GCNT1: variants seen among roughly 807,000 people sequenced by gnomAD.
GCNT1 encodes beta-1,3-galactosyl-O-glycosyl-glycoprotein beta-1,6-N-acetylglucosaminyltransferase.
GCNT1 carries 16 observed loss-of-function variants against 26.2 expected under a neutral mutation model. That is an observed-to-expected ratio of 0.61 (90% CI 0.41 to 0.93). GCNT1 has a LOEUF of 0.93. GCNT1 is among the 40% of genes least tolerant of loss of function. The pLI is 0.00. For synonymous variants in GCNT1, 183 were observed against 190.8 expected (o/e 0.96, Z 0.34); for missense variants, 477 against 526.7 (o/e 0.91, Z 0.92).
chr9:76,422,152 C>T (rs983777618), intron 1 of GCNT1, among the ~76,000 whole-genome samples: 1 of 152,068 alleles, frequency 6.6e-6, no homozygotes, highest in Non-Finnish European at 1.5e-5. Flanking sequence ...GGAGAAACCA[C>T]CCCCATGATT....
In GCNT1 at chr9:76,500,961, G is replaced by A. The variant is rs918912138; in HGVS notation, c.-244G>A. 2.6e-5 allele frequency: 4 copies of A among 152,090 alleles called. No homozygotes were observed. Among genetic ancestry groups the A allele is most frequent in the East Asian group, 1.9e-4 (1 of 5,194 alleles). 9.4% of individuals were successfully genotyped at this position (152,090 alleles called of 1,614,324 possible). A position where few individuals can be genotyped will look rare whatever the true frequency, so the allele number is the denominator to read the frequency against. ...AGCACATCATTATCGCTGGATGCCCGGACATGTAATACACCTGACAGCATG... is the reference window on the plus strand; with the variant it reads ...AGCACATCATTATCGCTGGATGCCCAGACATGTAATACACCTGACAGCATG... On this transcript the variant is annotated 5_prime_UTR_variant, in exon 3 of 4. Transcript: ENST00000376730.
intron 2 of GCNT1, among the ~76,000 whole-genome samples, chr9:76,496,939 G>T (rs1366657025): frequency 4.6e-5 from 7 of 152,168 alleles, no homozygotes; most frequent in Admixed American, 4.6e-4. Context: ...CCTTCTTCAG[G>T]ACATGCCCCA....
the GCNT1 span, among the ~76,000 whole-genome samples, chr9:76,396,300 T>C: frequency 2.0e-5 from 3 of 152,114 alleles, no homozygotes; most frequent in Non-Finnish European, 4.4e-5. Flanking sequence ...CCTAAACGTA[T>C]AAAAATGGGC....
intron 1 of GCNT1, among the ~76,000 whole-genome samples, chr9:76,445,043 G>A (rs1823553022): frequency 6.6e-6 from 1 of 152,196 alleles, no homozygotes; most frequent in South Asian, 2.1e-4. Flanking sequence ...TCCAGAAAAG[G>A]AAAGCTCTGC....
chr9:76,461,476 C>T lies in GCNT1; in HGVS notation c.-290+1299C>T, dbSNP rs181233926. Among the ~76,000 whole-genome samples the T allele has an allele frequency of 4.7e-4, 71 of 151,582 alleles. 1 individual carries two copies. The East Asian group carries it at 0.012, about 26-fold the overall frequency. On this transcript the variant is annotated intron_variant, in intron 2 of 3. Transcript: ENST00000376730. ...CTAGGCGCCTGTAATCCCAGCTACT[C>T]GGGAGGCTGAGACGGAGAATTGCTT...
At chr9:76,480,443 G>T (rs1018146180) in intron 2 of GCNT1, among the ~76,000 whole-genome samples, 1 of 152,092 alleles carries the variant, frequency 6.6e-6, no homozygotes, top group Non-Finnish European at 1.5e-5. Context: ...AAATTACCTT[G>T]GGCAGTATGG....
chr9:76,498,773 C>CAAAAAAAAAAAAAAAAAAA (rs1169273731), intron 2 of GCNT1, among the ~76,000 whole-genome samples: 1 of 39,402 alleles, frequency 2.5e-5, no homozygotes, highest in African/African-American at 6.1e-5. Context: ...AATTCCAGCT[C>CAAAAAAAAAAAAAAAAAAA]AAAAAAAAAA....
the GCNT1 span, among the ~76,000 whole-genome samples, chr9:76,410,702 G>A: frequency 6.6e-6 from 1 of 152,230 alleles, no homozygotes; most frequent in African/African-American, 2.4e-5. Context: ...AGAAGAATGT[G>A]TATTCTGCTG....
intron 2 of GCNT1, among the ~76,000 whole-genome samples, chr9:76,467,199 C>T (rs1235633040): frequency 3.3e-5 from 5 of 152,186 alleles, no homozygotes; most frequent in African/African-American, 4.8e-5. Context: ...CCCGCCACCG[C>T]GCCCAGCTAA....
At chr9:76,404,822 CT>C in the GCNT1 span, among the ~76,000 whole-genome samples, 435 of 144,028 alleles carry the variant, frequency 3.0e-3, no homozygotes, top group Middle Eastern at 3.5e-3. Flanking sequence ...TTTAAGTCAT[CT>C]TTTTTTTTTT....
At chr9:76,493,376 C>A (rs1824804004) in intron 2 of GCNT1, among the ~76,000 whole-genome samples, 1 of 152,128 alleles carries the variant, frequency 6.6e-6, no homozygotes, top group Admixed American at 6.5e-5. Context: ...CATTTAATGG[C>A]CCAGAGTTTG....
At chr9:76,452,347 A>T (rs1462266384) in intron 1 of GCNT1, among the ~76,000 whole-genome samples, 1 of 152,228 alleles carries the variant, frequency 6.6e-6, no homozygotes, top group Non-Finnish European at 1.5e-5. Flanking sequence ...TACTAAAAAA[A>T]ATTTACATAA....
chr9:76,443,910 G>A (rs868010879), intron 1 of GCNT1, among the ~76,000 whole-genome samples: 1,369 of 54,758 alleles, frequency 0.025, 24 homozygotes, highest in African/African-American at 0.085. Flanking sequence ...AGGAAGAAAG[G>A]AAGAAAGGAA....
In GCNT1 at chr9:76,504,566, G is replaced by A. The variant is rs41288763; in HGVS notation, c.*898G>A. On this transcript the variant is annotated 3_prime_UTR_variant, in exon 4 of 4. Transcript: ENST00000376730. The stretch of plus-strand genomic sequence containing the variant: ...TTAGTGCAGAAAACTAAGACAGGAT[G>A]ATACAGGTTTGAGGGGCTGGGGAGT... 0.13 allele frequency: 54,151 copies of A among 403,798 alleles called. 4,157 individuals carry two copies. The highest frequency in any genetic ancestry group is 0.21 in the African/African-American group (10,177 of 48,428). 25.0% of individuals were successfully genotyped at this position (403,798 alleles called of 1,614,324 possible). A position where few individuals can be genotyped will look rare whatever the true frequency, so the allele number is the denominator to read the frequency against.
chr9:76,417,164 C>T (rs1309025322), upstream of GCNT1, among the ~76,000 whole-genome samples: 1 of 152,198 alleles, frequency 6.6e-6, no homozygotes, highest in Admixed American at 6.5e-5. Flanking sequence ...TTATGAAGCT[C>T]ATGAAATTAT....
At position 76,504,816 on chromosome 9, in the gene GCNT1, C is replaced by G. The variant is rs1376784252; in HGVS notation, c.*1148C>G. The G allele has an allele frequency of 4.8e-6, 2 of 413,334 alleles. No homozygotes were observed. The highest frequency in any genetic ancestry group is 8.8e-6 in the Non-Finnish European group (2 of 226,150). The allele number at this position is 413,334 out of a possible 1,614,324, so 25.6% of individuals were successfully genotyped here. ...TACCTGCCCCCTGGGTGGTAAGTTT[C>G]CTCCTTTCTCAACCTTCCACGAGGA... On this transcript the variant is annotated 3_prime_UTR_variant, in exon 4 of 4. Coordinates refer to ENST00000376730, the MANE Select transcript of GCNT1 (RefSeq NM_001490.5).
rs1825176896 is a variant in GCNT1 at position 76,504,341 on chromosome 9, A to G, written c.*673A>G. The G allele has an allele frequency of 5.8e-6, 1 of 171,522 alleles. No homozygotes were observed. Among genetic ancestry groups the G allele is most frequent in the African/African-American group, 2.4e-5 (1 of 41,662 alleles). 10.6% of individuals were successfully genotyped at this position (171,522 alleles called of 1,614,324 possible). On this transcript the variant is annotated 3_prime_UTR_variant, in exon 4 of 4. Transcript: ENST00000376730. ...ACAATTTCTAGTTTAGTTAATTTCT[A>G]CAAATCATCTTATGTTATTAGCAAG...
chr9:76,461,702 A>C (rs1823873608), intron 2 of GCNT1, among the ~76,000 whole-genome samples: 1 of 152,130 alleles, frequency 6.6e-6, no homozygotes, highest in Non-Finnish European at 1.5e-5. Flanking sequence ...AGCCTGACCA[A>C]CATGGCAAAA....
At chr9:76,428,291 T>TAAAAAAAAAAAAA (rs1564220598) in intron 1 of GCNT1, among the ~76,000 whole-genome samples, 8 of 77,078 alleles carry the variant, frequency 1.0e-4, no homozygotes, top group East Asian at 2.3e-4. Context: ...AAAAAAAAAC[T>TAAAAAAAAAAAAA]TAAAAAAAAA....
Sources: gnomAD v4.1 joint callset for allele counts (sites outside exome capture counted in the v4.1 genomes callset) on GRCh38, gnomAD v4.1.1 for gene constraint, MANE v1.5 for transcripts, NCBI Gene and HGNC (gene_info 2026-07-23, HGNC 2026-07-21) for gene names.